RPTOR: variants seen among roughly 807,000 people sequenced by gnomAD.
The protein encoded by RPTOR is regulatory associated protein of MTOR complex 1, also known as regulatory-associated protein of mTOR.
RPTOR carries 21 observed loss-of-function variants against 169.9 expected under a neutral mutation model. The ratio of observed to expected loss-of-function variants is 0.12; its 90% confidence interval spans 0.09 to 0.18. RPTOR has a LOEUF of 0.18. Ranked by LOEUF, RPTOR falls within the 10% of genes least tolerant of loss-of-function variation. The pLI is 1.00. For synonymous variants in RPTOR, 732 were observed against 753.2 expected (o/e 0.97, Z 0.46); for missense variants, 1,133 against 1,855.9 (o/e 0.61, Z 7.16).
chr17:80,713,243 T>A (rs2066211086), intron 4 of RPTOR, among the ~76,000 whole-genome samples: 1 of 151,816 alleles, frequency 6.6e-6, no homozygotes, highest in South Asian at 2.1e-4. Flanking sequence ...TAATTTTGTA[T>A]TTTTTTTAGT....
chr17:80,826,954 C>T (rs1296690920), intron 9 of RPTOR, among the ~76,000 whole-genome samples: 1 of 152,220 alleles, frequency 6.6e-6, no homozygotes, highest in Non-Finnish European at 1.5e-5. Flanking sequence ...CACGCATCTG[C>T]GTACTGCCCT....
In RPTOR at chr17:80,794,976, C is replaced by T. The variant is rs531093609; in HGVS notation, c.890+3467C>T. ...ATGTCTTGATGCTGGTGTGGTTCCACAGATCCACCCACACGTTCCAATCCA... is the reference window on the plus strand; with the variant it reads ...ATGTCTTGATGCTGGTGTGGTTCCATAGATCCACCCACACGTTCCAATCCA... On this transcript the variant is annotated intron_variant, in intron 7 of 33. Coordinates refer to ENST00000306801, the MANE Select transcript of RPTOR (RefSeq NM_020761.3). Among the ~76,000 whole-genome samples, 11 of 152,276 alleles carry T rather than the reference C, an allele frequency of 7.2e-5. No homozygotes were observed. In the South Asian group the frequency reaches 2.3e-3, roughly 32 times the overall value.
intron 12 of RPTOR, 44 bp downstream of exon 12, chr17:80,855,591 C>A (rs2067842955): frequency 2.2e-6 from 3 of 1,379,262 alleles, no homozygotes; most frequent in Non-Finnish European, 3.1e-6. Flanking sequence ...GGAGGTGGGA[C>A]AGAGATTAGG....
At chr17:80,684,485 C>A (rs1369744190) in intron 3 of RPTOR, among the ~76,000 whole-genome samples, 1 of 151,330 alleles carries the variant, frequency 6.6e-6, no homozygotes, top group African/African-American at 2.4e-5. Flanking sequence ...GCTCTGCCGC[C>A]CAGGCTGGAG....
At chr17:80,587,553 G>C (rs1005029114) in intron 1 of RPTOR, among the ~76,000 whole-genome samples, 5 of 152,150 alleles carry the variant, frequency 3.3e-5, no homozygotes, top group African/African-American at 4.8e-5. Context: ...TTTAGCTGAG[G>C]TTGTTTCTGC....
rs1452689780 is a variant in RPTOR, at chr17:80,841,063, T to C, written c.1212+3066T>C. Among the ~76,000 whole-genome samples the C allele has an allele frequency of 3.2e-3, 19 of 5,924 alleles. 1 individual carries two copies. The highest frequency in any genetic ancestry group is 4.7e-3 in the Admixed American group (2 of 422). The allele number at this position is 5,924 out of a possible 152,430, so 3.9% of individuals were successfully genotyped here. On this transcript the variant is annotated intron_variant, in intron 10 of 33. Coordinates refer to ENST00000306801, the MANE Select transcript of RPTOR (RefSeq NM_020761.3). Reference sequence around the variant, plus strand: ...CACACTCACCGCACGGCAGCTCACATTCACCACACGGCAACTCACTCTCAC... The same window carrying C: ...CACACTCACCGCACGGCAGCTCACACTCACCACACGGCAACTCACTCTCAC...
chr17:80,832,778 C>T (rs2067520332), intron 9 of RPTOR, among the ~76,000 whole-genome samples: 1 of 152,022 alleles, frequency 6.6e-6, no homozygotes, highest in Non-Finnish European at 1.5e-5. Context: ...GTGTACATCC[C>T]CAGGGAGCAC....
At chr17:80,639,512 GTCCCC>G (rs1418492600) in intron 2 of RPTOR, among the ~76,000 whole-genome samples, 4 of 152,032 alleles carry the variant, frequency 2.6e-5, no homozygotes, top group Non-Finnish European at 5.9e-5. Context: ...TCCCCTTTGG[GTCCCC>G]TCCCCCAGCT....
chr17:80,920,163 G>A (rs542328508), intron 21 of RPTOR, among the ~76,000 whole-genome samples: 22 of 152,326 alleles, frequency 1.4e-4, no homozygotes, highest in Middle Eastern at 3.4e-3. Context: ...GCTCCTGCTC[G>A]CTGCGTACCC....
chr17:80,806,376 A>G (rs1374107802), intron 7 of RPTOR, among the ~76,000 whole-genome samples: 1 of 152,150 alleles, frequency 6.6e-6, no homozygotes, highest in Non-Finnish European at 1.5e-5. Context: ...TCATAGTAAG[A>G]TAAGTGTTCC....
intron 1 of RPTOR, among the ~76,000 whole-genome samples, chr17:80,548,715 C>T (rs1256727765): frequency 2.0e-5 from 3 of 152,112 alleles, no homozygotes; most frequent in African/African-American, 7.2e-5. Flanking sequence ...GTAAGAATCT[C>T]TGTTACCCAG....
At chr17:80,727,761 CTTT>C (rs35254950) in intron 4 of RPTOR, among the ~76,000 whole-genome samples, 5 of 149,752 alleles carry the variant, frequency 3.3e-5, no homozygotes, top group Admixed American at 6.6e-5. Flanking sequence ...TAATTTTCAG[CTTT>C]TTTTTTTACC....
chr17:80,685,625 A>T (rs62067874), intron 3 of RPTOR, among the ~76,000 whole-genome samples: 14,479 of 34,698 alleles, frequency 0.42, 2,136 homozygotes, highest in East Asian at 0.49. Flanking sequence ...ATATATATAT[A>T]TATTTTTTTT....
intron 9 of RPTOR, among the ~76,000 whole-genome samples, chr17:80,827,811 C>T (rs2067460990): frequency 2.0e-5 from 3 of 152,330 alleles, no homozygotes; most frequent in Non-Finnish European, 4.4e-5. Context: ...GATTAAGCGC[C>T]TGCTGCGTGT....
At chr17:80,574,205 C>T (rs1366019182) in intron 1 of RPTOR, among the ~76,000 whole-genome samples, 2 of 146,430 alleles carry the variant, frequency 1.4e-5, no homozygotes, top group African/African-American at 2.5e-5. Context: ...TCGCCCAGGC[C>T]GGACTGCGGA....
intron 2 of RPTOR, among the ~76,000 whole-genome samples, chr17:80,628,859 C>G (rs1432039032): frequency 2.0e-5 from 3 of 152,230 alleles, no homozygotes; most frequent in Non-Finnish European, 2.9e-5. Context: ...TTCCCATTAT[C>G]TTTTCAAATA....
At position 80,811,137 on chromosome 17, in the gene RPTOR, G is replaced by A. The variant is rs112862588; in HGVS notation, c.891-11064G>A. Among the ~76,000 whole-genome samples, 1,403 of 152,286 alleles carry A rather than the reference G, an allele frequency of 9.2e-3. 12 individuals carry two copies. The highest frequency in any genetic ancestry group is 0.015 in the Non-Finnish European group (1,054 of 68,010). On this transcript the variant is annotated intron_variant, in intron 7 of 33. Coordinates refer to ENST00000306801, the MANE Select transcript of RPTOR (RefSeq NM_020761.3). ...ATGTTAAATGGACGCAATACAGCTG[G>A]GTGTTGAAGCCCTGATCTGAGTCAA...
intron 9 of RPTOR, among the ~76,000 whole-genome samples, chr17:80,830,112 T>TGG (rs2067486759): frequency 6.6e-6 from 1 of 152,226 alleles, no homozygotes; most frequent in African/African-American, 2.4e-5. Flanking sequence ...GTGGTCTGGC[T>TGG]GGTCAGGAGC....
intron 3 of RPTOR, among the ~76,000 whole-genome samples, chr17:80,649,825 T>A (rs1427669886): frequency 6.6e-6 from 1 of 152,244 alleles, no homozygotes; most frequent in Admixed American, 6.5e-5. Context: ...TCCACGTGCG[T>A]GCCGTGTTCA....
Sources: allele counts gnomAD v4.1 joint callset (sites outside exome capture counted in the v4.1 genomes callset), GRCh38; gene constraint gnomAD v4.1.1; transcripts MANE v1.5; gene names NCBI Gene and HGNC (gene_info 2026-07-23, HGNC 2026-07-21).